Variants in TAF4B observed in about 807,000 individuals in gnomAD.
TAF4B encodes transcription initiation factor TFIID subunit 4B.
In TAF4B, 38 loss-of-function variants were observed where a neutral mutation model predicts 86.4. The observed-to-expected ratio is 0.44, with a 90% CI of 0.34 to 0.58. The LOEUF is 0.58. Ranked by LOEUF, TAF4B falls within the 20% of genes least tolerant of loss-of-function variation. The pLI is 0.02. For synonymous variants in TAF4B, 388 were observed against 391.2 expected, an observed-to-expected ratio of 0.99 and a Z score of 0.10; for missense variants, 988 against 1,027.6, an observed-to-expected ratio of 0.96 and a Z score of 0.53.
chr18:26,229,759 T>C (rs2055635754), intron 1 of TAF4B, among the ~76,000 whole-genome samples: 1 of 152,158 alleles, frequency 6.6e-6, no homozygotes, highest in Non-Finnish European at 1.5e-5. Flanking sequence ...TGCTTCGGTC[T>C]CTCAGAGTGC....
chr18:26,226,884 C>G lies in TAF4B; in HGVS notation c.-50C>G, dbSNP rs2055583156. On this transcript the variant is annotated 5_prime_UTR_variant, in exon 1 of 15. Transcript: ENST00000269142. ...CTGCCGCGCGCCAAGCCTCCCCTCA[C>G]CTCTGCTCCCGGAACCGCAGCGCCA... The G allele has an allele frequency of 2.3e-6, 3 of 1,328,514 alleles. No individual in the cohort carries two copies. Among genetic ancestry groups the G allele is most frequent in the Non-Finnish European group, 1.9e-6 (2 of 1,041,214 alleles). 82.3% of individuals were successfully genotyped at this position (1,328,514 alleles called of 1,614,324 possible). A position where few individuals can be genotyped will look rare whatever the true frequency, so the allele number is the denominator to read the frequency against.
intron 14 of TAF4B, among the ~76,000 whole-genome samples, chr18:26,374,680 C>T: frequency 6.6e-6 from 1 of 151,958 alleles, no homozygotes; most frequent in East Asian, 1.9e-4. Flanking sequence ...GAAATTTGTC[C>T]CAGTTAGATG....
chr18:26,282,725 A>G (rs527728886), intron 6 of TAF4B, among the ~76,000 whole-genome samples: 1 of 152,348 alleles, frequency 6.6e-6, no homozygotes, highest in South Asian at 2.1e-4. Context: ...TGTAGCATGC[A>G]GTGCTGTCTG....
At position 26,262,692 on chromosome 18, in the gene TAF4B, G is replaced by A. The variant is rs550030157; in HGVS notation, c.344-2478G>A. ...GACGGGGATTCACCCTGTTGGCCAG[G>A]CTTGTCTCAAACTCCTGGCCTCAAG... On this transcript the variant is annotated intron_variant, in intron 1 of 14. Transcript: ENST00000269142. Among the ~76,000 whole-genome samples, 108 of 152,156 alleles carry A rather than the reference G, an allele frequency of 7.1e-4. 1 individual carries two copies. Among genetic ancestry groups the A allele is most frequent in the African/African-American group, 2.6e-3 (107 of 41,508 alleles).
chr18:26,238,574 G>T (rs1292818359), intron 1 of TAF4B, among the ~76,000 whole-genome samples: 1 of 151,914 alleles, frequency 6.6e-6, no homozygotes, highest in Non-Finnish European at 1.5e-5. Flanking sequence ...TATAAGTAAT[G>T]AACTAATATT....
intron 9 of TAF4B, among the ~76,000 whole-genome samples, chr18:26,312,570 G>T (rs1462097307): frequency 6.6e-6 from 1 of 152,170 alleles, no homozygotes; most frequent in Non-Finnish European, 1.5e-5. Context: ...TCTCCTCATT[G>T]ACTGAATTCT....
rs184030528 is a variant in TAF4B at position 26,350,194 on chromosome 18, C to G, written c.2317-7496C>G. On this transcript the variant is annotated intron_variant, in intron 13 of 14. Transcript: ENST00000269142. ...ACGTCAAAAGCGCCTGTAACAAAAG[C>G]AAAAATAAATGGGATTATATTAAAT... is the stretch of plus-strand genomic sequence containing the variant. Among the ~76,000 whole-genome samples, 360 of 151,798 alleles carry G rather than the reference C, an allele frequency of 2.4e-3. 2 individuals are homozygous for G. The highest frequency in any genetic ancestry group is 3.4e-3 in the Middle Eastern group (1 of 294).
intron 14 of TAF4B, among the ~76,000 whole-genome samples, chr18:26,386,324 T>C (rs888873689): frequency 6.6e-6 from 1 of 152,116 alleles, no homozygotes; most frequent in African/African-American, 2.4e-5. Flanking sequence ...TTTTTTTTTC[T>C]GTTTGACAAT....
intron 1 of TAF4B, among the ~76,000 whole-genome samples, chr18:26,231,034 C>CTTTTTTTTTTTTTTTTTTT (rs536863843): frequency 1.7e-4 from 11 of 66,162 alleles, no homozygotes; most frequent in Non-Finnish European, 1.7e-4. Flanking sequence ...TGTTGTTTTG[C>CTTTTTTTTTTTTTTTTTTT]TTTTTTTTTT....
intron 14 of TAF4B, among the ~76,000 whole-genome samples, chr18:26,388,580 A>T (rs532849175): frequency 6.6e-6 from 1 of 152,222 alleles, no homozygotes; most frequent in African/African-American, 2.4e-5. Context: ...GATGAAGGAC[A>T]GGTAGACCCA....
chr18:26,330,622 C>T (rs187008886), intron 12 of TAF4B, among the ~76,000 whole-genome samples: 1 of 152,194 alleles, frequency 6.6e-6, no homozygotes, highest in East Asian at 1.9e-4. Context: ...TGTATATGTA[C>T]ACGTTTATAT....
chr18:26,285,772 T>G, intron 6 of TAF4B, 110 bp from the exon 7 acceptor site: 2 of 1,316,992 alleles, frequency 1.5e-6, no homozygotes, highest in Non-Finnish European at 2.1e-6. Flanking sequence ...ACTGAAATAC[T>G]TGATACACTT....
At chr18:26,239,231 C>G (rs573271280) in intron 1 of TAF4B, among the ~76,000 whole-genome samples, 2 of 152,290 alleles carry the variant, frequency 1.3e-5, no homozygotes, top group South Asian at 4.2e-4. Context: ...TCCTATTTCT[C>G]CACATCCTCT....
intron 13 of TAF4B, among the ~76,000 whole-genome samples, chr18:26,343,672 A>G (rs2057153865): frequency 6.6e-6 from 1 of 152,130 alleles, no homozygotes; most frequent in African/African-American, 2.4e-5. Flanking sequence ...TTATATGTGG[A>G]TTTTTTTCAA....
Position 26,298,099 on chromosome 18 carries a change from T to A in TAF4B, c.1832+4568T>A, listed in dbSNP as rs193000807. Among the ~76,000 whole-genome samples the A allele has an allele frequency of 1.9e-3, 271 of 143,132 alleles. 1 individual carries two copies. Among genetic ancestry groups the A allele is most frequent in the African/African-American group, 6.8e-3 (264 of 38,638 alleles). The allele number at this position is 143,132 out of a possible 152,430, so 93.9% of individuals were successfully genotyped here. On this transcript the variant is annotated intron_variant, in intron 9 of 14. Transcript: ENST00000269142. Reference sequence around the variant, plus strand: ...GTATGTAGTTGTAGCTCACTGTGACTTTAATTTGCATTTCCCTAGTGACTA... The same window carrying A: ...GTATGTAGTTGTAGCTCACTGTGACATTAATTTGCATTTCCCTAGTGACTA...
At chr18:26,242,692 C>G (rs185620669) in intron 1 of TAF4B, among the ~76,000 whole-genome samples, 1 of 152,186 alleles carries the variant, frequency 6.6e-6, no homozygotes, top group Non-Finnish European at 1.5e-5. Flanking sequence ...ATGGTCTTTA[C>G]AATTTGGCAT....
chr18:26,229,588 C>T (rs953574758), intron 1 of TAF4B, among the ~76,000 whole-genome samples: 5 of 150,978 alleles, frequency 3.3e-5, no homozygotes, highest in Non-Finnish European at 5.9e-5. Context: ...CTGCAACCTC[C>T]GCCTCCCGGG....
chr18:26,230,380 A>G (rs1598699945), intron 1 of TAF4B, among the ~76,000 whole-genome samples: 1 of 152,174 alleles, frequency 6.6e-6, no homozygotes, highest in Non-Finnish European at 1.5e-5. Context: ...CAGTCCTTGG[A>G]TAAGTTCTTT....
intron 5 of TAF4B, among the ~76,000 whole-genome samples, chr18:26,276,254 G>A (rs1318037976): frequency 6.6e-6 from 1 of 152,076 alleles, no homozygotes; most frequent in Non-Finnish European, 1.5e-5. Context: ...AAGATGCTGT[G>A]TCTTTTAGCT....
Sources: allele counts gnomAD v4.1 joint callset (sites outside exome capture counted in the v4.1 genomes callset), GRCh38; gene constraint gnomAD v4.1.1; transcripts MANE v1.5; gene names NCBI Gene and HGNC (gene_info 2026-07-23, HGNC 2026-07-21).